Variants in FXYD2 observed in about 807,000 individuals in gnomAD.
FXYD2 encodes the protein sodium/potassium-transporting ATPase subunit gamma.
Under a neutral mutation model 11.8 loss-of-function variants are expected in FXYD2, and 8 were observed. The ratio of observed to expected loss-of-function variants is 0.68; its 90% confidence interval spans 0.40 to 1.22. The LOEUF is 1.22. Ranked by LOEUF, FXYD2 falls within the 50% of genes most tolerant of loss-of-function variation. The pLI is 0.01. For synonymous variants in FXYD2, 42 were observed against 33.3 expected (o/e 1.26, Z -0.90); for missense variants, 92 against 91.8 (o/e 1.00, Z -0.01).
chr11:117,821,849 AT>A, intron 3 of FXYD2: 1 of 997,748 alleles, frequency 1.0e-6, no homozygotes, highest in South Asian at 4.4e-5. Context: ...TCTTCTTTCC[AT>A]GGGTTGTGTT....
At chr11:117,827,684 G>A (rs1342888248), upstream of FXYD2, among the ~76,000 whole-genome samples, 1 of 152,204 alleles carries the variant, frequency 6.6e-6, no homozygotes, top group Non-Finnish European at 1.5e-5. Context: ...CCAGAGGGTA[G>A]GGGAACCAAG....
chr11:117,827,178 A>G (rs2056063084), upstream of FXYD2, among the ~76,000 whole-genome samples: 1 of 152,198 alleles, frequency 6.6e-6, no homozygotes, highest in African/African-American at 2.4e-5. Context: ...AATAGGAAGC[A>G]ATAGGGAAAG....
upstream of FXYD2, among the ~76,000 whole-genome samples, chr11:117,824,968 C>T (rs767034340): frequency 3.3e-5 from 5 of 152,134 alleles, no homozygotes; most frequent in Middle Eastern, 3.2e-3. This position sits in a 1 kb window ranked among gnomAD's most constrained non-coding sequence, Gnocchi z 4.0. Flanking sequence ...GGTCAGCAGT[C>T]GTGCTGTTCT....
chr11:117,826,778 G>GTCTATCTGTCTATCTATCTA (rs1555040290), upstream of FXYD2, among the ~76,000 whole-genome samples: 6 of 125,780 alleles, frequency 4.8e-5, no homozygotes, highest in East Asian at 4.7e-4. Flanking sequence ...CTGTCTGTCT[G>GTCTATCTGTCTATCTATCTA]TCTATCTATC....
intron 4 of FXYD2, 42 bp downstream of exon 4, chr11:117,820,817 C>T: frequency 6.2e-7 from 1 of 1,613,588 alleles, no homozygotes; most frequent in Non-Finnish European, 8.5e-7. Context: ...CCCTCCTTCT[C>T]CAGCCCCAAC....
chr11:117,820,808 C>G (rs942308194), intron 4 of FXYD2, 51 bp downstream of exon 4: 1 of 1,613,750 alleles, frequency 6.2e-7, no homozygotes, highest in Non-Finnish European at 8.5e-7. Context: ...TCAGCCCGCC[C>G]CTCCTTCTCC....
chr11:117,826,497 T>C (rs1333818656), upstream of FXYD2, among the ~76,000 whole-genome samples: 2 of 152,052 alleles, frequency 1.3e-5, no homozygotes, highest in African/African-American at 2.4e-5. Flanking sequence ...GGGCACTGGG[T>C]ACACCAGAAA....
Position 117,822,470 on chromosome 11 carries a change from G to T in FXYD2, c.75C>A (p.Thr25=). The T allele has an allele frequency of 1.3e-6, 2 of 1,561,578 alleles. No individual in the cohort carries two copies. The highest frequency in any genetic ancestry group is 8.7e-7 in the Non-Finnish European group (1 of 1,152,022). Residue 25 remains threonine (T), a synonymous_variant, in exon 3 of 6, where the codon ACC becomes ACA. Transcript: ENST00000292079. This position sits in a 1 kb window ranked among gnomAD's most constrained non-coding sequence, Gnocchi z 4.7. The part of the protein sequence containing the change: ...DVDPFYYDYE[T]VRNGGLIFAG... ...CGAAGATCAGGCCCCCATTGCGAACGGTCTCATAGTCTCCGGAAAGAGAGG... is the reference window on the plus strand; with the variant it reads ...CGAAGATCAGGCCCCCATTGCGAACTGTCTCATAGTCTCCGGAAAGAGAGG...
Position 117,823,255 on chromosome 11 carries a change from A to C in FXYD2, c.26-538T>G, listed in dbSNP as rs145580136. Among the ~76,000 whole-genome samples the C allele has an allele frequency of 5.1e-4, 77 of 152,364 alleles. No individual in the cohort carries two copies. The East Asian group carries it at 0.012, about 23-fold the overall frequency. On this transcript the variant is annotated intron_variant, in intron 1 of 5. Transcript: ENST00000292079. ...TACCATCCTCAGGGGAAGCAGATCT[A>C]GTTAAGAAACATTAATATATAGTGC... is the stretch of plus-strand genomic sequence containing the variant.
Position 117,824,303 on chromosome 11 carries a change from C to T in FXYD2, c.25+351G>A. ...GGCTGACCAGAGGGGCCTGCTCCTT[C>T]CCCAGCCAGATGGACGCCGTCTGCC... On this transcript the variant is annotated intron_variant, in intron 1 of 5. Transcript: ENST00000292079. The surrounding 1 kb of genome is among the most constrained non-coding windows in gnomAD (Gnocchi z 4.0). 2.3e-6 allele frequency: 1 copy of T among 434,930 alleles called. No homozygotes were observed. The highest frequency in any genetic ancestry group is 3.4e-5 in the Admixed American group (1 of 29,144). 26.9% of individuals were successfully genotyped at this position (434,930 alleles called of 1,614,324 possible).
Position 117,822,517 on chromosome 11 carries a change from G to T in FXYD2, c.65-37C>A. ...GAGGGCAAGAGGAGCGGGATGGGTG[G>T]TCTCTCCCAGCAGCTGTCTCTCTCC... is the stretch of plus-strand genomic sequence containing the variant. On this transcript the variant is annotated intron_variant, in intron 2 of 5. Transcript: ENST00000292079. This position sits in a 1 kb window ranked among gnomAD's most constrained non-coding sequence, Gnocchi z 4.7. The T allele has an allele frequency of 6.4e-7, 1 of 1,556,034 alleles. No homozygotes were observed. The highest frequency in any genetic ancestry group is 8.7e-7 in the Non-Finnish European group (1 of 1,149,104).
At chr11:117,826,814 ATCTATCTATCTG>A (rs1297810099), upstream of FXYD2, among the ~76,000 whole-genome samples, 261 of 123,156 alleles carry the variant, frequency 2.1e-3, 1 homozygote, top group Non-Finnish European at 2.3e-3. Context: ...CTATCTATCT[ATCTATCTATCTG>A]TCTATCTATC....
Position 117,822,799 on chromosome 11 carries a change from C to A in FXYD2, c.26-82G>T. ...GAACAGCTGGAATTCCCTGTCCTTC[C>A]CTTCCCAGAGGACCCTCGAGGGTCC... On this transcript the variant is annotated intron_variant, in intron 1 of 5. Coordinates refer to ENST00000292079, the MANE Select transcript of FXYD2 (RefSeq NM_001680.5). The surrounding 1 kb of genome is among the most constrained non-coding windows in gnomAD (Gnocchi z 4.7). 1 of 1,558,324 alleles carries A rather than the reference C, an allele frequency of 6.4e-7. No homozygotes were observed.
At position 117,822,230 on chromosome 11, in the gene FXYD2, T is replaced by G. The variant is rs2055922927; in HGVS notation, c.139+176A>C. ...ACTTGAGCAAGCAGGAACCTCACACTGTGCTCCCAGCGAGCCTGGCACCCC... is the reference window on the plus strand; with the variant it reads ...ACTTGAGCAAGCAGGAACCTCACACGGTGCTCCCAGCGAGCCTGGCACCCC... On this transcript the variant is annotated intron_variant, in intron 3 of 5. Transcript: ENST00000292079. The surrounding 1 kb of genome is among the most constrained non-coding windows in gnomAD (Gnocchi z 4.7). The G allele has an allele frequency of 6.7e-7, 1 of 1,499,430 alleles. No homozygotes were observed. The highest frequency in any genetic ancestry group is 8.9e-7 in the Non-Finnish European group (1 of 1,124,804). 92.9% of individuals were successfully genotyped at this position (1,499,430 alleles called of 1,614,324 possible). A position where few individuals can be genotyped will look rare whatever the true frequency, so the allele number is the denominator to read the frequency against.
At chr11:117,824,757 G>A (rs12273102), upstream of FXYD2, 7,507 of 1,579,286 alleles carry the variant, frequency 4.8e-3, 295 homozygotes, top group African/African-American at 0.09. This position sits in a 1 kb window ranked among gnomAD's most constrained non-coding sequence, Gnocchi z 4.0. Flanking sequence ...CTGCCTCCAC[G>A]GGGTGGCCGG....
At chr11:117,821,187 G>T in intron 3 of FXYD2, 1 of 383,830 alleles carries the variant, frequency 2.6e-6, no homozygotes, top group South Asian at 7.5e-5. Flanking sequence ...CTCCCAAGTA[G>T]CTGGGACTAT....
In FXYD2 at chr11:117,824,374, G is replaced by A; in HGVS notation, c.25+280C>T. ...TCTAGCAAGATGCATTGAACTCAGG[G>A]CGGGTGTGTGCCAGGAGGCCGAGGA... On this transcript the variant is annotated intron_variant, in intron 1 of 5. Coordinates refer to ENST00000292079, the MANE Select transcript of FXYD2 (RefSeq NM_001680.5). This position sits in a 1 kb window ranked among gnomAD's most constrained non-coding sequence, Gnocchi z 4.0. 1.7e-6 allele frequency: 1 copy of A among 573,020 alleles called. No homozygotes were observed. Among genetic ancestry groups the A allele is most frequent in the Non-Finnish European group, 3.1e-6 (1 of 319,368 alleles). 35.5% of individuals were successfully genotyped at this position (573,020 alleles called of 1,614,324 possible).
At position 117,824,513 on chromosome 11, in the gene FXYD2, C is replaced by T. The variant is rs945385413; in HGVS notation, c.25+141G>A. ...TTGCAAATTTTCTTAGAGAGGAGGC[C>T]GACAGGAAGAGGGGCTGGGTACTCT... On this transcript the variant is annotated intron_variant, in intron 1 of 5. Coordinates refer to ENST00000292079, the MANE Select transcript of FXYD2 (RefSeq NM_001680.5). The surrounding 1 kb of genome is among the most constrained non-coding windows in gnomAD (Gnocchi z 4.0). 2.2e-5 allele frequency: 16 copies of T among 736,990 alleles called. No individual in the cohort carries two copies. Among genetic ancestry groups the T allele is most frequent in the South Asian group, 4.4e-5 (3 of 68,322 alleles). 45.7% of individuals were successfully genotyped at this position (736,990 alleles called of 1,614,324 possible). A position where few individuals can be genotyped will look rare whatever the true frequency, so the allele number is the denominator to read the frequency against.
Position 117,822,411 on chromosome 11 carries a change from A to G in FXYD2, c.134T>C (p.Leu45Pro). 1 of 1,558,124 alleles carries G rather than the reference A, an allele frequency of 6.4e-7. No homozygotes were observed. Among genetic ancestry groups the G allele is most frequent in the Non-Finnish European group, 8.7e-7 (1 of 1,150,200 alleles). ...GLAFIVGLLI[L>P]LSRRFRCGGN... ...CTGGAGGCCACCCCACTTACTGAGG[A>G]GGATGAGGAGCCCCACGATGAAGGC... Residue 45 changes from leucine to proline, a missense_variant, in exon 3 of 6, where the codon CTC becomes CCC. By Grantham distance (98) the Leu-to-Pro change is moderately conservative (BLOSUM62 -3). Transcript: ENST00000292079. The surrounding 1 kb of genome is among the most constrained non-coding windows in gnomAD (Gnocchi z 4.7).
Sources: gnomAD v4.1 joint callset for allele counts (sites outside exome capture counted in the v4.1 genomes callset) on GRCh38, gnomAD v4.1.1 for gene constraint, Gnocchi (gnomAD v3.1) non-coding constraint, MANE v1.5 for transcripts, NCBI Gene and HGNC (gene_info 2026-07-23, HGNC 2026-07-21) for gene names.